Variants in WDPCP observed in about 807,000 individuals in gnomAD.
The protein encoded by WDPCP is WD repeat-containing and planar cell polarity effector protein fritz homolog.
A neutral mutation model predicts 93.1 loss-of-function variants in WDPCP; 71 were observed. The ratio of observed to expected loss-of-function variants is 0.76; its 90% confidence interval spans 0.63 to 0.93. The LOEUF is 0.93. WDPCP is among the 40% of genes least tolerant of loss of function. The probability of loss-of-function intolerance (pLI) is 0.00; values close to 1 mark genes in which losing one functional copy is unlikely to be tolerated. For missense variants in WDPCP, 844 were observed against 887.4 expected (o/e 0.95, Z 0.62); for synonymous variants, 315 against 315.0 (o/e 1.00, Z 0.00).
chr2:63,309,110 G>T (rs1462710186), intron 13 of WDPCP, among the ~76,000 whole-genome samples: 1 of 152,122 alleles, frequency 6.6e-6, no homozygotes, highest in Non-Finnish European at 1.5e-5. Flanking sequence ...GGACTCCAAA[G>T]TTGGTAGAGG....
At chr2:63,405,532 AGTGTGTGTGT>A (rs55807956) in intron 9 of WDPCP, among the ~76,000 whole-genome samples, 6,651 of 124,962 alleles carry the variant, frequency 0.053, 198 homozygotes, top group Middle Eastern at 0.13. Context: ...ATTTTGGTAT[AGTGTGTGTGT>A]GTGTGTGTGT....
intron 2 of WDPCP, among the ~76,000 whole-genome samples, chr2:63,739,105 G>T (rs1448810759): frequency 6.6e-6 from 1 of 152,034 alleles, no homozygotes; most frequent in East Asian, 1.9e-4. Flanking sequence ...TTTCACAGGG[G>T]TTGTTGTACA....
intron 2 of WDPCP, chr2:63,684,668 T>C (rs538103646): frequency 2.9e-6 from 2 of 686,690 alleles, no homozygotes; most frequent in East Asian, 3.1e-5. Flanking sequence ...TGAAGAGAGA[T>C]ACAAGATAGG....
intron 15 of WDPCP, among the ~76,000 whole-genome samples, chr2:63,170,079 A>T (rs1259858019): frequency 6.7e-6 from 1 of 149,586 alleles, no homozygotes; most frequent in African/African-American, 2.5e-5. Flanking sequence ...TTTTCAGTAG[A>T]GATGAGGTCT....
intron 6 of WDPCP, among the ~76,000 whole-genome samples, chr2:63,475,377 G>C (rs1699917413): frequency 6.6e-6 from 1 of 151,928 alleles, no homozygotes; most frequent in Non-Finnish European, 1.5e-5. Flanking sequence ...TCTCCTTTAT[G>C]AAATCTTAAC....
At chr2:63,387,844 A>G (rs1337220701) in intron 10 of WDPCP, among the ~76,000 whole-genome samples, 1 of 152,164 alleles carries the variant, frequency 6.6e-6, no homozygotes, top group African/African-American at 2.4e-5. Flanking sequence ...CCAAGCTGAG[A>G]GCCAAATAAG....
At chr2:63,412,714 G>A (rs568119975) in intron 9 of WDPCP, among the ~76,000 whole-genome samples, 1 of 151,954 alleles carries the variant, frequency 6.6e-6, no homozygotes, top group South Asian at 2.1e-4. Flanking sequence ...ACACAAATCA[G>A]TAGTTCTATA....
chr2:63,245,742 A>C (rs1309566191), intron 14 of WDPCP, among the ~76,000 whole-genome samples: 1 of 152,148 alleles, frequency 6.6e-6, no homozygotes, highest in Non-Finnish European at 1.5e-5. Flanking sequence ...CAGAAATTTA[A>C]GGAAGATATG....
At chr2:63,436,350 TCAC>T (rs979457225) in intron 8 of WDPCP, among the ~76,000 whole-genome samples, 3 of 152,136 alleles carry the variant, frequency 2.0e-5, no homozygotes, top group Non-Finnish European at 4.4e-5. Flanking sequence ...TGGTAGTTTA[TCAC>T]CACAATGAAA....
At chr2:63,586,536 TTATTAG>T (rs1248109273) in intron 1 of WDPCP, among the ~76,000 whole-genome samples, 3 of 152,202 alleles carry the variant, frequency 2.0e-5, no homozygotes, top group Non-Finnish European at 4.4e-5. Flanking sequence ...ACAGACAATC[TTATTAG>T]TATAATTGGA....
At chr2:63,547,312 G>T (rs1210233365) in intron 1 of WDPCP, among the ~76,000 whole-genome samples, 2 of 152,042 alleles carry the variant, frequency 1.3e-5, no homozygotes, top group Non-Finnish European at 2.9e-5. Context: ...CACTGCTGGT[G>T]GGAACATAAA....
chr2:63,471,301 T>C (rs915374552), intron 6 of WDPCP, among the ~76,000 whole-genome samples: 1 of 152,236 alleles, frequency 6.6e-6, no homozygotes, highest in Non-Finnish European at 1.5e-5. Flanking sequence ...TTCTGGATCA[T>C]ATCTCAGATT....
chr2:63,720,631 T>C (rs746828021), intron 2 of WDPCP, among the ~76,000 whole-genome samples: 1 of 152,138 alleles, frequency 6.6e-6, no homozygotes, highest in Non-Finnish European at 1.5e-5. Flanking sequence ...ATGTGTCTCT[T>C]TCCATTGACC....
intron 14 of WDPCP, among the ~76,000 whole-genome samples, chr2:63,210,643 G>A (rs926739708): frequency 3.3e-5 from 5 of 152,284 alleles, no homozygotes; most frequent in Non-Finnish European, 7.4e-5. Context: ...ACTGTGAGCC[G>A]AGGAAGGGCA....
intron 1 of WDPCP, among the ~76,000 whole-genome samples, chr2:63,547,178 A>G (rs190868957): frequency 4.6e-4 from 70 of 152,280 alleles, no homozygotes; most frequent in African/African-American, 1.3e-3. Flanking sequence ...CATCAACGAA[A>G]TGTAAATCAA....
At chr2:63,484,895 T>C (rs1700474378) in intron 5 of WDPCP, 22 bp downstream of exon 5, 6 of 1,611,436 alleles carry the variant, frequency 3.7e-6, no homozygotes, top group Non-Finnish European at 5.1e-6. Flanking sequence ...TGTTGCCATT[T>C]TTGAAACTTT....
intron 14 of WDPCP, among the ~76,000 whole-genome samples, chr2:63,251,512 G>C (rs1362530088): frequency 2.9e-5 from 3 of 101,802 alleles, no homozygotes; most frequent in African/African-American, 1.2e-4. Flanking sequence ...TTTTTTTTGA[G>C]ACAGAGTCTC....
chr2:63,446,877 G>A (rs1448075863), intron 6 of WDPCP, among the ~76,000 whole-genome samples: 3 of 152,106 alleles, frequency 2.0e-5, no homozygotes, highest in Non-Finnish European at 4.4e-5. Flanking sequence ...TCAGTCTCTT[G>A]AATAACTTAT....
chr2:63,420,827 T>A (rs1040800655), intron 9 of WDPCP, among the ~76,000 whole-genome samples: 5 of 152,240 alleles, frequency 3.3e-5, no homozygotes, highest in Non-Finnish European at 7.3e-5. Flanking sequence ...TAAACTGCTG[T>A]AGAGCATTCC....
Sources: gnomAD v4.1 joint callset for allele counts (sites outside exome capture counted in the v4.1 genomes callset) on GRCh38, gnomAD v4.1.1 for gene constraint, MANE v1.5 for transcripts, NCBI Gene and HGNC (gene_info 2026-07-23, HGNC 2026-07-21) for gene names.